Variants in RGS6 observed in about 807,000 individuals in gnomAD.
RGS6 encodes regulator of G-protein signaling 6.
A neutral mutation model predicts 78.5 loss-of-function variants in RGS6; 30 were observed. That is an observed-to-expected ratio of 0.38 (90% confidence interval 0.29 to 0.52). The LOEUF is 0.52. Among genes scored for constraint, RGS6 ranks in the 20% least tolerant of loss-of-function variants. The pLI is 0.85. For missense variants in RGS6, 495 were observed against 609.7 expected, an observed-to-expected ratio of 0.81 and a Z score of 1.98; for synonymous variants, 206 against 206.0, an observed-to-expected ratio of 1.00 and a Z score of 0.00.
At chr14:72,166,697 A>G (rs138671267) in intron 2 of RGS6, among the ~76,000 whole-genome samples, 6 of 152,356 alleles carry the variant, frequency 3.9e-5, no homozygotes, top group African/African-American at 1.4e-4. Context: ...GTTCCATCTC[A>G]CAATTTGAAA....
chr14:72,052,848 CCG>C (rs1346942966), intron 2 of RGS6, among the ~76,000 whole-genome samples: 1 of 152,096 alleles, frequency 6.6e-6, no homozygotes, highest in East Asian at 1.9e-4. Context: ...TTGTGTGGAT[CCG>C]ATTTCAGACC....
At chr14:72,542,951 AG>A (rs2097345777) in intron 17 of RGS6, among the ~76,000 whole-genome samples, 1 of 151,556 alleles carries the variant, frequency 6.6e-6, no homozygotes, top group Non-Finnish European at 1.5e-5. Context: ...TGGGTGACGA[AG>A]GGGCCTGGTA....
intron 3 of RGS6, among the ~76,000 whole-genome samples, chr14:72,395,763 A>G (rs1364262267): frequency 6.6e-6 from 1 of 150,464 alleles, no homozygotes; most frequent in Non-Finnish European, 1.5e-5. Context: ...ATTCCCACCT[A>G]TGAGTGAGAA....
chr14:72,234,178 T>C (rs929846688), intron 2 of RGS6, among the ~76,000 whole-genome samples: 2 of 151,924 alleles, frequency 1.3e-5, no homozygotes, highest in African/African-American at 4.8e-5. Flanking sequence ...TCCGTTTTGC[T>C]TGTTGAGGAA....
intron 3 of RGS6, among the ~76,000 whole-genome samples, chr14:72,373,094 G>A (rs2083856067): frequency 6.6e-6 from 1 of 152,088 alleles, no homozygotes; most frequent in African/African-American, 2.4e-5. Context: ...AAAAGAGGAA[G>A]CCGAGCCCAC....
intron 2 of RGS6, among the ~76,000 whole-genome samples, chr14:72,164,623 A>G (rs542728058): frequency 4.6e-5 from 7 of 152,282 alleles, no homozygotes; most frequent in African/African-American, 1.7e-4. Flanking sequence ...AGCTCAGACA[A>G]CTATGAAGTG....
At position 72,531,291 on chromosome 14, in the gene RGS6, G is replaced by A. The variant is rs1248314318; in HGVS notation, c.1279-4895G>A. Reference sequence around the variant, plus strand: ...CCACTAAAAATAAAAAAATCAGCTGGGTGTGGTGGTGCATGCCTGTAGTCC... The same window carrying A: ...CCACTAAAAATAAAAAAATCAGCTGAGTGTGGTGGTGCATGCCTGTAGTCC... On this transcript the variant is annotated intron_variant, in intron 15 of 17. Transcript: ENST00000553525. Among the ~76,000 whole-genome samples the A allele has an allele frequency of 2.6e-5, 4 of 152,100 alleles. No individual in the cohort carries two copies. In the South Asian group the frequency reaches 6.2e-4, roughly 24 times the overall value.
At chr14:72,426,128 A>G (rs1317741327) in intron 3 of RGS6, among the ~76,000 whole-genome samples, 1 of 152,192 alleles carries the variant, frequency 6.6e-6, no homozygotes, top group Non-Finnish European at 1.5e-5. Context: ...ACGTATGTTT[A>G]TGTTGAACTT....
At chr14:71,915,475 G>A in the RGS6 span, among the ~76,000 whole-genome samples, 1 of 152,034 alleles carries the variant, frequency 6.6e-6, no homozygotes, top group Non-Finnish European at 1.5e-5. Context: ...GGATTTCGAG[G>A]CTGCAATAGC....
the RGS6 span, among the ~76,000 whole-genome samples, chr14:72,592,491 C>T: frequency 2.0e-5 from 3 of 152,252 alleles, no homozygotes; most frequent in South Asian, 2.1e-4. Flanking sequence ...ATAGACATGA[C>T]ATTCCAATGT....
intron 2 of RGS6, among the ~76,000 whole-genome samples, chr14:72,143,141 G>T (rs1598314715): frequency 6.6e-6 from 1 of 152,180 alleles, no homozygotes; most frequent in African/African-American, 2.4e-5. Context: ...GCTGATGCGG[G>T]TGGATCACTT....
At chr14:71,937,443 C>T (rs976280129) in intron 1 of RGS6, among the ~76,000 whole-genome samples, 1 of 152,136 alleles carries the variant, frequency 6.6e-6, no homozygotes, top group Non-Finnish European at 1.5e-5. Flanking sequence ...GAAACAGTAC[C>T]ATATATTGGA....
At position 72,565,297 on chromosome 14, in the gene RGS6, C is replaced by G. The variant is rs554197372; in HGVS notation, c.*2830C>G. On this transcript the variant is annotated 3_prime_UTR_variant, in exon 18 of 18. Coordinates refer to ENST00000553525, the MANE Select transcript of RGS6 (RefSeq NM_001204424.2). The stretch of plus-strand genomic sequence containing the variant: ...CAGCTGCAGCAAGTGACCACCCACC[C>G]GTCGGGTTAGACACACAAGGCACCA... 3 of 152,494 alleles carry G rather than the reference C, an allele frequency of 2.0e-5. No individual in the cohort carries two copies. In the South Asian group the frequency reaches 6.2e-4, roughly 32 times the overall value. 9.4% of individuals were successfully genotyped at this position (152,494 alleles called of 1,614,324 possible).
At chr14:72,547,111 C>A in intron 17 of RGS6, 1 of 1,485,410 alleles carries the variant, frequency 6.7e-7, no homozygotes, top group Admixed American at 2.0e-5. Context: ...GGATAAACAG[C>A]GGGAAGGCCG....
Position 71,967,189 on chromosome 14 carries a change from G to GTATATATATATA in RGS6, c.84+2324_84+2335dup, listed in dbSNP as rs10571406. 5.1e-4 allele frequency among the ~76,000 whole-genome samples: 74 copies of GTATATATATATA among 145,864 alleles called. 2 individuals are homozygous for GTATATATATATA. Among genetic ancestry groups the GTATATATATATA allele is most frequent in the African/African-American group, 1.8e-3 (71 of 38,880 alleles). ...TTCGTGTGACAAACTTGTGTAAAGA[G>GTATATATATATA]TATATATATATATATATATATGTTC... On this transcript the variant is annotated intron_variant, in intron 2 of 17. Coordinates refer to ENST00000553525, the MANE Select transcript of RGS6 (RefSeq NM_001204424.2).
chr14:72,227,014 A>G (rs2048296760), intron 2 of RGS6, among the ~76,000 whole-genome samples: 1 of 152,160 alleles, frequency 6.6e-6, no homozygotes, highest in African/African-American at 2.4e-5. Flanking sequence ...AAACAAATCA[A>G]ACCAACCAGA....
At chr14:72,282,139 A>G (rs993669110) in intron 2 of RGS6, among the ~76,000 whole-genome samples, 5 of 152,220 alleles carry the variant, frequency 3.3e-5, no homozygotes, top group Admixed American at 6.5e-5. Context: ...CAGTAAAAAT[A>G]AAGAAGCTGC....
chr14:72,486,545 C>T (rs2096491365), intron 12 of RGS6, among the ~76,000 whole-genome samples: 2 of 152,172 alleles, frequency 1.3e-5, no homozygotes, highest in African/African-American at 4.8e-5. Context: ...TCCCTATCTG[C>T]TTCACTCAGA....
chr14:72,594,838 C>T, the RGS6 span: 1 of 152,054 alleles, frequency 6.6e-6, no homozygotes, highest in South Asian at 2.1e-4. Flanking sequence ...AGGGATGCCT[C>T]GCAGTATGGA....
Sources: allele counts gnomAD v4.1 joint callset (sites outside exome capture counted in the v4.1 genomes callset), GRCh38; gene constraint gnomAD v4.1.1; transcripts MANE v1.5; gene names NCBI Gene and HGNC (gene_info 2026-07-23, HGNC 2026-07-21).